Variants in TMEM242 observed in about 807,000 individuals in gnomAD.
The protein encoded by TMEM242 is transmembrane protein 242.
TMEM242 carries 10 observed loss-of-function variants against 18.2 expected under a neutral mutation model. That is an observed-to-expected ratio of 0.55 (90% CI 0.34 to 0.93). The LOEUF (loss-of-function observed/expected upper bound fraction) is 0.93. Ranked by LOEUF, TMEM242 falls within the 40% of genes least tolerant of loss-of-function variation. The pLI is 0.02. For missense variants in TMEM242, 186 were observed against 175.5 expected (o/e 1.06, Z -0.34); for synonymous variants, 57 against 69.9 (o/e 0.81, Z 0.92).
intron 3 of TMEM242, among the ~76,000 whole-genome samples, chr6:157,312,305 T>G (rs1187028528): frequency 2.2e-4 from 25 of 116,274 alleles, no homozygotes; most frequent in Non-Finnish European, 2.4e-4. Context: ...CCAGTGTGCG[T>G]TGATCTGACC....
chr6:157,312,503 C>T (rs1444672253), intron 3 of TMEM242, among the ~76,000 whole-genome samples: 3 of 142,484 alleles, frequency 2.1e-5, no homozygotes, highest in Admixed American at 7.0e-5. Flanking sequence ...CCAGTGTGCA[C>T]TCACCGAGCC....
intron 3 of TMEM242, among the ~76,000 whole-genome samples, chr6:157,311,316 GTGTT>G (rs1778073242): frequency 6.7e-5 from 6 of 89,434 alleles, no homozygotes; most frequent in East Asian, 3.8e-4. Context: ...GTCCCAGTGT[GTGTT>G]CACCTAGCCT....
At chr6:157,310,521 G>C (rs983668079) in intron 3 of TMEM242, among the ~76,000 whole-genome samples, 11 of 146,630 alleles carry the variant, frequency 7.5e-5, no homozygotes, top group Non-Finnish European at 1.2e-4. Context: ...CACTCACCTG[G>C]CCTCATCATG....
rs587728956 is a variant in TMEM242 at position 157,320,343 on chromosome 6, A to T, written c.190-1424T>A. Among the ~76,000 whole-genome samples, 3 of 152,370 alleles carry T rather than the reference A, an allele frequency of 2.0e-5. No individual in the cohort carries two copies. The South Asian group carries it at 6.2e-4, about 32-fold the overall frequency. On this transcript the variant is annotated intron_variant, in intron 2 of 3. Transcript: ENST00000400788. ...AGAAATTAAAACTATGAAATTCTTA[A>T]ATTATATTAGTCATTTAAAAATAGT...
At chr6:157,321,192 T>C (rs1778492003) in intron 2 of TMEM242, among the ~76,000 whole-genome samples, 2 of 152,006 alleles carry the variant, frequency 1.3e-5, no homozygotes, top group Non-Finnish European at 2.9e-5. Context: ...GTATTTTTAG[T>C]AGAGACGGGG....
intron 3 of TMEM242, among the ~76,000 whole-genome samples, chr6:157,310,770 G>A (rs1778011722): frequency 1.7e-5 from 2 of 114,480 alleles, no homozygotes; most frequent in Non-Finnish European, 1.9e-5. Context: ...CCTCATCATA[G>A]GGTCCCAGTG....
At chr6:157,301,639 A>C (rs1164081874) in intron 3 of TMEM242, among the ~76,000 whole-genome samples, 1 of 152,214 alleles carries the variant, frequency 6.6e-6, no homozygotes, top group Non-Finnish European at 1.5e-5. Flanking sequence ...TGTGCCATTG[A>C]AAGGCAGTCC....
intron 3 of TMEM242, chr6:157,299,680 G>C: frequency 6.2e-7 from 1 of 1,610,620 alleles, no homozygotes; most frequent in Non-Finnish European, 8.5e-7. Context: ...CATTTCGCTG[G>C]ACTAAATTAA....
intron 3 of TMEM242, among the ~76,000 whole-genome samples, chr6:157,311,497 G>C (rs797032646): frequency 0.04 from 1,117 of 27,692 alleles, 3 homozygotes; most frequent in East Asian, 0.059. Flanking sequence ...CACTCACCTA[G>C]CCTCAGCATA....
chr6:157,298,965 TAA>T (rs1375352446), intron 3 of TMEM242: 1 of 170,152 alleles, frequency 5.9e-6, no homozygotes. Flanking sequence ...TTTAGGAATT[TAA>T]GTTTATTCAA....
chr6:157,296,388 A>G (rs1777749848), intron 3 of TMEM242, among the ~76,000 whole-genome samples: 1 of 152,200 alleles, frequency 6.6e-6, no homozygotes, highest in African/African-American at 2.4e-5. Flanking sequence ...GGTGCTTTCC[A>G]TAAAAACTAA....
chr6:157,299,539 A>G, intron 3 of TMEM242: 1 of 1,490,428 alleles, frequency 6.7e-7, no homozygotes, highest in Non-Finnish European at 9.3e-7. Flanking sequence ...TTCCAATAAC[A>G]CGGTTTTTGG....
chr6:157,313,571 C>G (rs1554249833), intron 3 of TMEM242, among the ~76,000 whole-genome samples: 3 of 152,080 alleles, frequency 2.0e-5, no homozygotes, highest in African/African-American at 4.8e-5. Flanking sequence ...CTAGCCTCAT[C>G]ATAGTGTCCC....
intron 3 of TMEM242, among the ~76,000 whole-genome samples, chr6:157,295,540 T>C (rs1777739141): frequency 6.6e-6 from 1 of 152,074 alleles, no homozygotes; most frequent in African/African-American, 2.4e-5. Flanking sequence ...TGGTCTGGAA[T>C]GTGGTCAGCT....
chr6:157,309,376 C>T (rs888208874), intron 3 of TMEM242, among the ~76,000 whole-genome samples: 4 of 151,076 alleles, frequency 2.6e-5, no homozygotes, highest in Non-Finnish European at 5.9e-5. Context: ...AATATATATA[C>T]GAAGATAAAT....
intron 3 of TMEM242, among the ~76,000 whole-genome samples, chr6:157,314,371 C>CACCTGG (rs1778344669): frequency 1.5e-5 from 1 of 67,576 alleles, no homozygotes. Flanking sequence ...AGCATGCATT[C>CACCTGG]CCATGATCAT....
intron 3 of TMEM242, among the ~76,000 whole-genome samples, chr6:157,294,602 G>A (rs1265101324): frequency 6.6e-6 from 1 of 151,952 alleles, no homozygotes; most frequent in Non-Finnish European, 1.5e-5. Flanking sequence ...CGCCCGCCTC[G>A]GCCTCCCAAA....
intron 3 of TMEM242, among the ~76,000 whole-genome samples, chr6:157,310,643 T>G (rs1554248367): frequency 6.6e-6 from 1 of 152,144 alleles, no homozygotes; most frequent in African/African-American, 2.4e-5. Context: ...AGTGTCCCAG[T>G]GTTCGCTCAC....
chr6:157,318,763 C>T lies in TMEM242; in HGVS notation c.327+19G>A, dbSNP rs372771542. ...AGAATAAACATGTAGATACCAGGGA[C>T]AAGACAGTAGTTACTTACACTGTGA... On this transcript the variant is annotated intron_variant, in intron 3 of 3. Coordinates refer to ENST00000400788, the MANE Select transcript of TMEM242 (RefSeq NM_018452.6). The T allele has an allele frequency of 6.2e-7, 1 of 1,613,452 alleles. No homozygotes were observed. The highest frequency in any genetic ancestry group is 1.3e-5 in the African/African-American group (1 of 74,888).
Sources: allele counts gnomAD v4.1 joint callset (sites outside exome capture counted in the v4.1 genomes callset), GRCh38; gene constraint gnomAD v4.1.1; transcripts MANE v1.5; gene names NCBI Gene and HGNC (gene_info 2026-07-23, HGNC 2026-07-21).